The following GRIK2 variants were observed in gnomAD, a reference collection of about 807,000 sequenced individuals.
The protein encoded by GRIK2 is glutamate receptor ionotropic, kainate 2.
Under a neutral mutation model 100.3 loss-of-function variants are expected in GRIK2, and 32 were observed. That is an observed-to-expected ratio of 0.32 (90% confidence interval 0.24 to 0.43). The LOEUF is 0.43. Ranked by LOEUF, GRIK2 falls within the 20% of genes least tolerant of loss-of-function variation. The pLI is 1.00. For synonymous variants in GRIK2, 417 were observed against 389.4 expected (o/e 1.07, Z -0.83); for missense variants, 843 against 1,114.9 (o/e 0.76, Z 3.47).
At chr6:101,757,042 C>A (rs147266398) in intron 7 of GRIK2, among the ~76,000 whole-genome samples, 1 of 152,068 alleles carries the variant, frequency 6.6e-6, no homozygotes, top group Non-Finnish European at 1.5e-5. Context: ...TTGAGATTCA[C>A]GTTCCAGAAA....
intron 2 of GRIK2, among the ~76,000 whole-genome samples, chr6:101,483,430 G>A (rs1772640239): frequency 6.6e-6 from 1 of 152,094 alleles, no homozygotes; most frequent in Non-Finnish European, 1.5e-5. Flanking sequence ...CACCCTAGAT[G>A]TTTTCTGAAC....
intron 1 of GRIK2, among the ~76,000 whole-genome samples, chr6:101,397,344 G>C (rs183310500): frequency 6.6e-6 from 1 of 152,156 alleles, no homozygotes; most frequent in Non-Finnish European, 1.5e-5. Context: ...AAGACAGAAC[G>C]TGTTGGGCTG....
intron 2 of GRIK2, among the ~76,000 whole-genome samples, chr6:101,411,060 C>T (rs1775865268): frequency 6.6e-6 from 1 of 152,006 alleles, no homozygotes; most frequent in South Asian, 2.1e-4. Flanking sequence ...TGAATTTTTG[C>T]CTCTAATGGG....
At chr6:101,899,912 A>G (rs1787728389) in intron 12 of GRIK2, among the ~76,000 whole-genome samples, 3 of 152,102 alleles carry the variant, frequency 2.0e-5, no homozygotes, top group Admixed American at 2.0e-4. Context: ...GGTGTATTTC[A>G]GTATAAGTTC....
At chr6:101,958,253 T>TTCTGTGTGTGTGTGTGTGTGTGTG (rs150156844) in intron 14 of GRIK2, among the ~76,000 whole-genome samples, 30 of 139,536 alleles carry the variant, frequency 2.1e-4, no homozygotes, top group African/African-American at 7.4e-4. Context: ...TGCTACATAT[T>TTCTGTGTGTGTGTGTGTGTGTGTG]TGTGTGTGTG....
chr6:101,476,852 A>G (rs1274672698), intron 2 of GRIK2, among the ~76,000 whole-genome samples: 2 of 152,108 alleles, frequency 1.3e-5, no homozygotes, highest in African/African-American at 4.8e-5. Flanking sequence ...ATTTCTTGCA[A>G]TAGTTCAGGA....
chr6:101,984,688 G>A (rs1793920866), intron 14 of GRIK2, among the ~76,000 whole-genome samples: 1 of 145,422 alleles, frequency 6.9e-6, no homozygotes, highest in Admixed American at 7.0e-5. Context: ...TTTCTGTAAA[G>A]GAAGTCAGTA....
At chr6:101,673,963 A>C in intron 4 of GRIK2, among the ~76,000 whole-genome samples, 1 of 152,212 alleles carries the variant, frequency 6.6e-6, no homozygotes, top group Non-Finnish European at 1.5e-5. Flanking sequence ...CAGTAAGAAG[A>C]TTATAAGTCA....
In GRIK2 at chr6:101,928,572, T is replaced by C; in HGVS notation, c.2025T>C (p.Ala675=). 2 of 1,609,292 alleles carry C rather than the reference T, an allele frequency of 1.2e-6. No homozygotes were observed. Among genetic ancestry groups the C allele is most frequent in the Non-Finnish European group, 1.7e-6 (2 of 1,175,634 alleles). ...ESPIDSADDL[A]KQTKIEYGAV... is the part of the protein sequence containing the mutation. The stretch of plus-strand genomic sequence containing the variant: ...CTATTGACTCTGCTGATGATTTAGC[T>C]AAACAAACCAAGATAGAATATGGAG... The change falls in exon 14 of 17, where the codon GCT becomes GCC. Residue 675 remains alanine, a synonymous_variant. Transcript: ENST00000369134.
intron 2 of GRIK2, among the ~76,000 whole-genome samples, chr6:101,534,653 G>A (rs970023916): frequency 2.6e-5 from 4 of 151,754 alleles, no homozygotes; most frequent in African/African-American, 7.3e-5. Flanking sequence ...GACAGTCTAT[G>A]TATAATTCCT....
intron 11 of GRIK2, among the ~76,000 whole-genome samples, chr6:101,876,384 C>T (rs1785842972): frequency 6.6e-6 from 1 of 151,498 alleles, no homozygotes; most frequent in African/African-American, 2.4e-5. Context: ...TGATAGATTC[C>T]TTTCTGGTAT....
At chr6:101,396,149 G>T (rs1451755093) in intron 1 of GRIK2, among the ~76,000 whole-genome samples, 3 of 151,538 alleles carry the variant, frequency 2.0e-5, no homozygotes, top group East Asian at 1.9e-4. Context: ...GTATTGGGGA[G>T]AAACTTGTAA....
intron 1 of GRIK2, among the ~76,000 whole-genome samples, chr6:101,398,258 A>G (rs1337901533): frequency 6.6e-6 from 1 of 152,230 alleles, no homozygotes; most frequent in African/African-American, 2.4e-5. Flanking sequence ...TTCAAACATC[A>G]TTGTTTTTAT....
chr6:101,481,998 C>T (rs1177160435), intron 2 of GRIK2, among the ~76,000 whole-genome samples: 1 of 152,156 alleles, frequency 6.6e-6, no homozygotes, highest in Non-Finnish European at 1.5e-5. Context: ...TCACCTTGCA[C>T]CATGAATGTA....
intron 7 of GRIK2, among the ~76,000 whole-genome samples, chr6:101,706,687 A>G (rs918724998): frequency 2.6e-5 from 4 of 151,932 alleles, no homozygotes; most frequent in Non-Finnish European, 4.4e-5. Flanking sequence ...GTCTCAGACA[A>G]CTATGCCAAA....
chr6:101,849,588 C>T (rs1166947957), intron 10 of GRIK2, among the ~76,000 whole-genome samples: 1 of 151,908 alleles, frequency 6.6e-6, no homozygotes, highest in African/African-American at 2.4e-5. Flanking sequence ...CTAGATTGCC[C>T]TCTTACTAGT....
chr6:101,919,998 T>A (rs890919917), intron 12 of GRIK2, among the ~76,000 whole-genome samples: 1 of 151,890 alleles, frequency 6.6e-6, no homozygotes, highest in African/African-American at 2.4e-5. Context: ...CTCACTTTTT[T>A]AAAAACCTTG....
intron 16 of GRIK2, among the ~76,000 whole-genome samples, chr6:102,060,128 TG>T (rs1181741946): frequency 1.3e-5 from 2 of 150,910 alleles, no homozygotes; most frequent in African/African-American, 4.8e-5. Flanking sequence ...GTGGTATTGT[TG>T]TTTTTTTAGG....
intron 16 of GRIK2, among the ~76,000 whole-genome samples, chr6:102,056,678 C>A (rs552503182): frequency 6.6e-6 from 1 of 151,810 alleles, no homozygotes; most frequent in African/African-American, 2.4e-5. Context: ...TTCTAATATT[C>A]TTTGAAGTGT....
Sources: gnomAD v4.1 joint callset for allele counts (sites outside exome capture counted in the v4.1 genomes callset) on GRCh38, gnomAD v4.1.1 for gene constraint, MANE v1.5 for transcripts, NCBI Gene and HGNC (gene_info 2026-07-23, HGNC 2026-07-21) for gene names.